Variants in HSDL2 observed in about 807,000 individuals in gnomAD.
HSDL2 encodes hydroxysteroid dehydrogenase like 2.
In HSDL2, 27 loss-of-function variants were observed where a neutral mutation model predicts 46.3. That is an observed-to-expected ratio of 0.58 (90% CI 0.43 to 0.80). HSDL2 has a LOEUF of 0.80. Ranked by LOEUF, HSDL2 falls within the 30% of genes least tolerant of loss-of-function variation. HSDL2 has a pLI of 0.00. For missense variants in HSDL2, 451 were observed against 502.7 expected, an observed-to-expected ratio of 0.90 and a Z score of 0.98; for synonymous variants, 153 against 163.6, an observed-to-expected ratio of 0.94 and a Z score of 0.50.
At chr9:112,461,369 G>C (rs527937617) in intron 10 of HSDL2, among the ~76,000 whole-genome samples, 2 of 152,210 alleles carry the variant, frequency 1.3e-5, no homozygotes, top group East Asian at 3.8e-4. Flanking sequence ...GTGAGCCACC[G>C]CGCCCGGCCC....
intron 10 of HSDL2, 67 bp downstream of exon 10, chr9:112,459,644 A>T: frequency 1.5e-6 from 2 of 1,354,166 alleles, no homozygotes; most frequent in Non-Finnish European, 2.1e-6. Context: ...ATTTTGCTTT[A>T]TCCCTTCCCA....
intron 4 of HSDL2, among the ~76,000 whole-genome samples, chr9:112,413,832 C>T (rs1451141188): frequency 6.6e-6 from 1 of 152,190 alleles, no homozygotes; most frequent in Non-Finnish European, 1.5e-5. Context: ...AGTTTTGCCA[C>T]AAGAGTACAC....
chr9:112,450,496 G>A (rs1031071210), intron 8 of HSDL2, among the ~76,000 whole-genome samples: 3 of 151,606 alleles, frequency 2.0e-5, no homozygotes, highest in Non-Finnish European at 4.4e-5. Flanking sequence ...GGGTGCAGTG[G>A]TATGTGCCTG....
chr9:112,443,572 T>TA (rs1278637534), intron 8 of HSDL2, among the ~76,000 whole-genome samples: 3 of 151,960 alleles, frequency 2.0e-5, no homozygotes, highest in East Asian at 1.9e-4. Context: ...TACAAAAAAA[T>TA]AAAAAAAATT....
chr9:112,433,295 T>A (rs189575277), intron 6 of HSDL2, among the ~76,000 whole-genome samples: 1 of 152,246 alleles, frequency 6.6e-6, no homozygotes. Flanking sequence ...GGTGTATGTA[T>A]GATAGGGTGT....
chr9:112,432,785 T>G (rs1832439028), intron 6 of HSDL2, among the ~76,000 whole-genome samples: 1 of 152,152 alleles, frequency 6.6e-6, no homozygotes, highest in Non-Finnish European at 1.5e-5. Context: ...TTGTTTTTGT[T>G]TTTTGAGACA....
chr9:112,470,045 C>T (rs1448850218), intron 10 of HSDL2, among the ~76,000 whole-genome samples: 1 of 152,048 alleles, frequency 6.6e-6, no homozygotes, highest in Non-Finnish European at 1.5e-5. Context: ...TCATTTACAC[C>T]ATTTGGTTTT....
intron 10 of HSDL2, among the ~76,000 whole-genome samples, chr9:112,468,446 T>C (rs1461610282): frequency 2.0e-5 from 3 of 152,218 alleles, no homozygotes; most frequent in East Asian, 1.9e-4. Flanking sequence ...TACCTTTCTA[T>C]TGCATTTTAA....
chr9:112,440,448 T>G (rs747685856), intron 7 of HSDL2, among the ~76,000 whole-genome samples: 4 of 152,164 alleles, frequency 2.6e-5, no homozygotes, highest in Non-Finnish European at 5.9e-5. Flanking sequence ...TTGAGATTGT[T>G]AACATCTCAC....
At chr9:112,460,682 G>A (rs933561080) in intron 10 of HSDL2, among the ~76,000 whole-genome samples, 1 of 152,122 alleles carries the variant, frequency 6.6e-6, no homozygotes, top group Admixed American at 6.6e-5. Flanking sequence ...AGAGGTGAAG[G>A]CTGCAGTAAG....
At chr9:112,400,089 C>A (rs56178561) in intron 1 of HSDL2, among the ~76,000 whole-genome samples, 15,725 of 152,208 alleles carry the variant, frequency 0.1, 1,075 homozygotes, top group Non-Finnish European at 0.15. Context: ...CGTTCGGGGT[C>A]CCTGACTTCC....
At chr9:112,437,142 T>C (rs1347757843) in intron 6 of HSDL2, among the ~76,000 whole-genome samples, 4 of 151,938 alleles carry the variant, frequency 2.6e-5, no homozygotes, top group Non-Finnish European at 5.9e-5. Context: ...GTATTTTTAG[T>C]AGAGATGGGG....
intron 6 of HSDL2, among the ~76,000 whole-genome samples, chr9:112,435,445 T>C (rs1344657132): frequency 1.3e-5 from 2 of 152,118 alleles, no homozygotes; most frequent in Non-Finnish European, 2.9e-5. Context: ...TCCAAGAACT[T>C]TGGTTAACAA....
rs549386542 is a variant in HSDL2, at chr9:112,418,888, T to C, written c.528T>C (p.Ser176=). 43 of 1,602,718 alleles carry C rather than the reference T, an allele frequency of 2.7e-5. No homozygotes were observed. The highest frequency in any genetic ancestry group is 3.3e-4 in the Middle Eastern group (2 of 5,998). ...ATACCATTGCTAAGTATGGTATGTC[T>C]ATGTATGTGCTTGGAATGGCAGAAG... The part of the protein sequence containing the change: ...CAYTIAKYGM[S]MYVLGMAEEF... The change falls in exon 6 of 11, where the codon TCT becomes TCC. Residue 176 remains serine, a synonymous_variant. Transcript: ENST00000398805.
chr9:112,397,030 C>A (rs1207867528), intron 1 of HSDL2, among the ~76,000 whole-genome samples: 1 of 152,206 alleles, frequency 6.6e-6, no homozygotes, highest in Non-Finnish European at 1.5e-5. Context: ...CTTAGAACGG[C>A]AAGTACTTGC....
At chr9:112,406,393 T>C (rs1831730768) in intron 3 of HSDL2, among the ~76,000 whole-genome samples, 1 of 151,928 alleles carries the variant, frequency 6.6e-6, no homozygotes, top group Admixed American at 6.6e-5. Context: ...CTTTATGTGG[T>C]TAAATTTCAT....
intron 10 of HSDL2, among the ~76,000 whole-genome samples, chr9:112,468,225 A>G (rs1833450088): frequency 6.6e-6 from 1 of 152,182 alleles, no homozygotes; most frequent in Non-Finnish European, 1.5e-5. Flanking sequence ...TCTCTGTGGT[A>G]GTCTGATATT....
At chr9:112,440,142 A>G (rs1420544811) in intron 7 of HSDL2, among the ~76,000 whole-genome samples, 4 of 152,158 alleles carry the variant, frequency 2.6e-5, no homozygotes, top group Admixed American at 2.6e-4. Flanking sequence ...TATAATTATT[A>G]CCTTAGGTTT....
chr9:112,423,754 C>T (rs200685259), intron 6 of HSDL2, among the ~76,000 whole-genome samples: 1 of 151,996 alleles, frequency 6.6e-6, no homozygotes, highest in Non-Finnish European at 1.5e-5. Context: ...CTCACTCTGT[C>T]GCCCAGGCTG....
Sources: gnomAD v4.1 joint callset for allele counts (sites outside exome capture counted in the v4.1 genomes callset) on GRCh38, gnomAD v4.1.1 for gene constraint, MANE v1.5 for transcripts, NCBI Gene and HGNC (gene_info 2026-07-23, HGNC 2026-07-21) for gene names.